The following HS2ST1 variants were observed in gnomAD, a reference collection of about 807,000 sequenced individuals.
HS2ST1 encodes the protein heparan sulfate 2-O-sulfotransferase 1, also known as 2-O-sulfotransferase.
A neutral mutation model predicts 42.9 loss-of-function variants in HS2ST1; 18 were observed. The ratio of observed to expected loss-of-function variants is 0.42; its 90% CI spans 0.29 to 0.62. The LOEUF is 0.62. HS2ST1 is among the 20% of genes least tolerant of loss of function. The probability of loss-of-function intolerance (pLI) is 0.21; values close to 1 mark genes in which losing one functional copy is unlikely to be tolerated. For missense variants in HS2ST1, 334 were observed against 433.8 expected (o/e 0.77, Z 2.04); for synonymous variants, 146 against 152.9 (o/e 0.95, Z 0.33).
chr1:87,089,165 G>A (rs1371454276), intron 3 of HS2ST1, among the ~76,000 whole-genome samples: 1 of 151,886 alleles, frequency 6.6e-6, no homozygotes, highest in Non-Finnish European at 1.5e-5. Context: ...TTGTTCATTT[G>A]CATATTGATA....
chr1:87,081,709 C>CA (rs1303488151), intron 2 of HS2ST1, among the ~76,000 whole-genome samples: 23 of 151,490 alleles, frequency 1.5e-4, no homozygotes, highest in African/African-American at 2.7e-4. Flanking sequence ...GAAATTGAAA[C>CA]AAAAAAATAC....
chr1:87,101,156 GTTTTTTT>G (rs1162453464), intron 5 of HS2ST1, among the ~76,000 whole-genome samples: 4 of 91,102 alleles, frequency 4.4e-5, no homozygotes, highest in East Asian at 3.5e-4. Flanking sequence ...TGTGTTTTTT[GTTTTTTT>G]TTTTTTTTTT....
At chr1:86,981,914 C>G (rs543143451) in intron 1 of HS2ST1, among the ~76,000 whole-genome samples, 9 of 152,348 alleles carry the variant, frequency 5.9e-5, no homozygotes, top group Admixed American at 3.9e-4. Flanking sequence ...CTTTCCACAC[C>G]GTCCTAGCAG....
At chr1:86,989,326 A>G (rs559774375) in intron 1 of HS2ST1, among the ~76,000 whole-genome samples, 2 of 152,322 alleles carry the variant, frequency 1.3e-5, no homozygotes, top group African/African-American at 4.8e-5. Context: ...AAGCAAGCCT[A>G]TTTTACCTGA....
chr1:87,083,846 G>A (rs1237686959), intron 2 of HS2ST1, among the ~76,000 whole-genome samples: 1 of 152,076 alleles, frequency 6.6e-6, no homozygotes, highest in African/African-American at 2.4e-5. Context: ...TTCCTGTATT[G>A]CCTGCTTTAG....
chr1:87,107,978 G>A lies in HS2ST1; in HGVS notation c.*3282G>A, dbSNP rs1459522084. ...GAAAATTGGATAATTTAAACTTAATGATTTTTATAATTTTCTGATCTTAAA... is the reference window on the plus strand; with the variant it reads ...GAAAATTGGATAATTTAAACTTAATAATTTTTATAATTTTCTGATCTTAAA... On this transcript the variant is annotated 3_prime_UTR_variant, in exon 7 of 7. Coordinates refer to ENST00000370550, the MANE Select transcript of HS2ST1 (RefSeq NM_012262.4). 3 of 151,968 alleles carry A rather than the reference G, an allele frequency of 2.0e-5. No homozygotes were observed. The highest frequency in any genetic ancestry group is 2.1e-4 in the South Asian group (1 of 4,826). The allele number at this position is 151,968 out of a possible 1,614,324, so 9.4% of individuals were successfully genotyped here.
intron 1 of HS2ST1, among the ~76,000 whole-genome samples, chr1:86,935,455 CTTTTTTTTT>C (rs552713297): frequency 1.6e-5 from 1 of 62,062 alleles, no homozygotes; most frequent in Non-Finnish European, 3.0e-5. Flanking sequence ...TCTTTTTCTC[CTTTTTTTTT>C]TTTTTTTTTT....
At chr1:86,921,745 T>A (rs191582527) in intron 1 of HS2ST1, among the ~76,000 whole-genome samples, 60 of 152,304 alleles carry the variant, frequency 3.9e-4, no homozygotes, top group South Asian at 1.7e-3. Flanking sequence ...AAGAAATACA[T>A]TTCTGTTTTC....
intron 1 of HS2ST1, among the ~76,000 whole-genome samples, chr1:87,054,142 C>A (rs1650901436): frequency 6.6e-6 from 1 of 152,084 alleles, no homozygotes; most frequent in Non-Finnish European, 1.5e-5. Context: ...CCTGTAAATA[C>A]ATATGGAATC....
At chr1:87,001,458 C>T (rs1242042878) in intron 1 of HS2ST1, among the ~76,000 whole-genome samples, 2 of 152,172 alleles carry the variant, frequency 1.3e-5, no homozygotes, top group Non-Finnish European at 1.5e-5. Flanking sequence ...TTTAATAAAA[C>T]TTCAAATATT....
chr1:87,082,201 T>C lies in HS2ST1; in HGVS notation c.364-1993T>C, dbSNP rs141467342. On this transcript the variant is annotated intron_variant, in intron 2 of 6. Coordinates refer to ENST00000370550, the MANE Select transcript of HS2ST1 (RefSeq NM_012262.4). ...AGACATTATCCAGCTTCCTGGGCTTTTTTCACTTTGTGTTGAAGGGTACAC... is the reference window on the plus strand; with the variant it reads ...AGACATTATCCAGCTTCCTGGGCTTCTTTCACTTTGTGTTGAAGGGTACAC... 3.0e-3 allele frequency among the ~76,000 whole-genome samples: 459 copies of C among 152,242 alleles called. 2 individuals are homozygous for C. The highest frequency in any genetic ancestry group is 4.9e-3 in the Non-Finnish European group (331 of 68,008).
intron 2 of HS2ST1, among the ~76,000 whole-genome samples, chr1:87,073,494 T>C (rs1343132443): frequency 1.3e-5 from 2 of 152,216 alleles, no homozygotes; most frequent in African/African-American, 2.4e-5. Context: ...ATAAAAATTA[T>C]TGTCTCAACT....
chr1:87,040,230 T>C (rs1650485132), intron 1 of HS2ST1, among the ~76,000 whole-genome samples: 1 of 152,122 alleles, frequency 6.6e-6, no homozygotes. Context: ...TATTCTGATA[T>C]AATTGAGCAA....
At chr1:86,977,967 T>C (rs1455629189) in intron 1 of HS2ST1, among the ~76,000 whole-genome samples, 2 of 152,190 alleles carry the variant, frequency 1.3e-5, no homozygotes, top group Non-Finnish European at 2.9e-5. Flanking sequence ...TCCCATAAAA[T>C]TATAGTAAAG....
At chr1:87,056,050 GGTCCCCATTGTAATGGT>G (rs1553140971) in intron 1 of HS2ST1, among the ~76,000 whole-genome samples, 1 of 152,104 alleles carries the variant, frequency 6.6e-6, no homozygotes, top group Non-Finnish European at 1.5e-5. Flanking sequence ...GTTGAGGCTT[GGTCCCCATTGTAATGGT>G]GTTGAGAGGT....
At chr1:86,923,621 C>T (rs1354489130) in intron 1 of HS2ST1, among the ~76,000 whole-genome samples, 1 of 152,180 alleles carries the variant, frequency 6.6e-6, no homozygotes, top group Non-Finnish European at 1.5e-5. Flanking sequence ...TGGTCTTGAT[C>T]TCCTGACCTC....
intron 1 of HS2ST1, chr1:86,992,913 A>G: frequency 1.7e-6 from 1 of 601,106 alleles, no homozygotes; most frequent in Non-Finnish European, 2.8e-6. Flanking sequence ...ATAAGATAAA[A>G]AGTATGAGCT....
chr1:86,930,529 G>T (rs980843994), intron 1 of HS2ST1, among the ~76,000 whole-genome samples: 1 of 151,796 alleles, frequency 6.6e-6, no homozygotes, highest in African/African-American at 2.4e-5. Flanking sequence ...TTAAGCATAC[G>T]TTAGTCTGGG....
chr1:87,016,185 A>G (rs1649753656), intron 1 of HS2ST1, among the ~76,000 whole-genome samples: 1 of 152,140 alleles, frequency 6.6e-6, no homozygotes, highest in Non-Finnish European at 1.5e-5. Flanking sequence ...GGTTTTGGTT[A>G]TTATATCTTT....
Sources: allele counts gnomAD v4.1 joint callset (sites outside exome capture counted in the v4.1 genomes callset), GRCh38; gene constraint gnomAD v4.1.1; transcripts MANE v1.5; gene names NCBI Gene and HGNC (gene_info 2026-07-23, HGNC 2026-07-21).